Variants in ABCC1 observed in about 807,000 individuals in gnomAD.
The protein encoded by ABCC1 is ATP binding cassette subfamily C member 1 (ABCC1 blood group), also known as multidrug resistance-associated protein 1.
Under a neutral mutation model 172.9 loss-of-function variants are expected in ABCC1, and 83 were observed. That is an observed-to-expected ratio of 0.48 (90% CI 0.40 to 0.58). ABCC1 has a LOEUF of 0.58. Ranked by LOEUF, ABCC1 falls within the 20% of genes least tolerant of loss-of-function variation. The pLI, the probability that ABCC1 is intolerant of heterozygous loss-of-function variation, is 0.00. For missense variants in ABCC1, 1,817 were observed against 2,002.7 expected (o/e 0.91, Z 1.77); for synonymous variants, 937 against 825.2 (o/e 1.14, Z -2.32).
At chr16:16,022,386 C>T (rs763850553) in intron 5 of ABCC1, among the ~76,000 whole-genome samples, 9 of 152,242 alleles carry the variant, frequency 5.9e-5, no homozygotes, top group East Asian at 1.9e-4. Flanking sequence ...GAGCTCCGGC[C>T]GGTCCCCAGT....
intron 22 of ABCC1, 68 bp downstream of exon 22, chr16:16,111,650 T>G: frequency 2.1e-6 from 3 of 1,434,258 alleles, no homozygotes; most frequent in Non-Finnish European, 2.9e-6. Flanking sequence ...ATTATAGAAA[T>G]GGATCCTTAG....
intron 5 of ABCC1, among the ~76,000 whole-genome samples, chr16:16,028,138 G>A (rs567109006): frequency 7.8e-4 from 119 of 152,222 alleles, no homozygotes; most frequent in African/African-American, 2.7e-3. Context: ...TCAGCTGGCC[G>A]TTTCCAGAAA....
chr16:16,043,258 A>G (rs1287208991), intron 7 of ABCC1, among the ~76,000 whole-genome samples: 6 of 101,966 alleles, frequency 5.9e-5, no homozygotes, highest in Non-Finnish European at 9.3e-5. Flanking sequence ...TGATGTATAT[A>G]TGCCTATCCC....
Position 16,048,530 on chromosome 16 carries a change from T to G in ABCC1, c.1380+227T>G, listed in dbSNP as rs571756021. On this transcript the variant is annotated intron_variant, in intron 10 of 30. Transcript: ENST00000399410. ...TTGGTGGCATGGCGTTTTCATTTTC[T>G]CTTTTCCTTGACAGTGTCAGTAATT... 4.6e-5 allele frequency among the ~76,000 whole-genome samples: 7 copies of G among 152,352 alleles called. No homozygotes were observed. The South Asian group carries it at 1.4e-3, about 32-fold the overall frequency.
At chr16:16,014,838 G>A (rs1054561279) in intron 4 of ABCC1, among the ~76,000 whole-genome samples, 1 of 152,040 alleles carries the variant, frequency 6.6e-6, no homozygotes. Context: ...CTTTCCCCAG[G>A]GCCTGATTTG....
At position 16,014,619 on chromosome 16, in the gene ABCC1, C is replaced by A. The variant is rs903178334; in HGVS notation, c.480C>A (p.Ala160=). The A allele has an allele frequency of 3.1e-6, 5 of 1,613,770 alleles. No homozygotes were observed. In the Admixed American group the frequency reaches 8.3e-5, roughly 27 times the overall value. The change falls in exon 4 of 31, where the codon GCC becomes GCA. Residue 160 remains alanine, a synonymous_variant. Transcript: ENST00000399410. The part of the protein sequence containing the change: ...LAILRSKIMT[A]LKEDAQVDLF... Reference sequence around the variant, plus strand: ...TCCTGAGATCCAAAATTATGACAGCCTTAAAAGAGGTAAGTGGCAGTCTCC... The same window carrying A: ...TCCTGAGATCCAAAATTATGACAGCATTAAAAGAGGTAAGTGGCAGTCTCC...
chr16:16,136,734 CACCTGGATTTGAGTCCCAGATG>C, intron 29 of ABCC1, 90 bp downstream of exon 29: 2 of 1,432,532 alleles, frequency 1.4e-6, no homozygotes, highest in Non-Finnish European at 1.9e-6. Flanking sequence ...AGATCTGTGT[CACCTGGATTTGAGTCCCAGATG>C]ACCATTTGTC....
chr16:16,103,920 G>A (rs1000729911), intron 20 of ABCC1, among the ~76,000 whole-genome samples: 1 of 152,188 alleles, frequency 6.6e-6, no homozygotes, highest in Non-Finnish European at 1.5e-5. Flanking sequence ...TCTGGGGTTT[G>A]TTCCTTCTGC....
At chr16:15,967,643 C>A (rs2046274890) in intron 1 of ABCC1, among the ~76,000 whole-genome samples, 1 of 150,252 alleles carries the variant, frequency 6.7e-6, no homozygotes, top group Non-Finnish European at 1.5e-5. Flanking sequence ...TGCCTGTAGT[C>A]CCAGCTACTC....
chr16:16,054,758 T>C (rs888959262), intron 11 of ABCC1, among the ~76,000 whole-genome samples: 1 of 152,182 alleles, frequency 6.6e-6, no homozygotes, highest in Non-Finnish European at 1.5e-5. Context: ...GGGATGACTG[T>C]AGCACTAAAT....
chr16:16,046,966 G>T (rs543199183), intron 9 of ABCC1, among the ~76,000 whole-genome samples: 2 of 128,640 alleles, frequency 1.6e-5, no homozygotes, highest in African/African-American at 7.4e-5. Context: ...AGACCAAGGT[G>T]GGGGAATCAC....
intron 7 of ABCC1, among the ~76,000 whole-genome samples, chr16:16,042,173 G>GT (rs57457665): frequency 0.016 from 2,086 of 133,798 alleles, 19 homozygotes; most frequent in Non-Finnish European, 0.022. Flanking sequence ...GAGTTTGGCA[G>GT]TTTTTTTTTT....
intron 11 of ABCC1, among the ~76,000 whole-genome samples, chr16:16,055,378 C>T (rs1322197577): frequency 2.6e-5 from 4 of 151,796 alleles, no homozygotes; most frequent in East Asian, 1.9e-4. Context: ...GGTGAAGCCC[C>T]GTCTCTACTA....
At chr16:16,012,442 C>T (rs1567312305) in intron 3 of ABCC1, among the ~76,000 whole-genome samples, 1 of 150,730 alleles carries the variant, frequency 6.6e-6, no homozygotes, top group Non-Finnish European at 1.5e-5. Flanking sequence ...GTCCTGAATT[C>T]GGGTCTTGGG....
intron 5 of ABCC1, among the ~76,000 whole-genome samples, chr16:16,029,864 A>G (rs187993351): frequency 1.9e-3 from 286 of 152,288 alleles, no homozygotes; most frequent in Non-Finnish European, 3.5e-3. Context: ...AAAAACATGT[A>G]TATGTGACTG....
At chr16:15,963,859 G>T (rs1233945577) in intron 1 of ABCC1, among the ~76,000 whole-genome samples, 1 of 152,058 alleles carries the variant, frequency 6.6e-6, no homozygotes, top group East Asian at 1.9e-4. Context: ...TGGGCTCCTT[G>T]TTACTTTTGC....
At chr16:16,076,277 T>C in intron 14 of ABCC1, 49 bp from the exon 15 acceptor site, 4 of 1,565,232 alleles carry the variant, frequency 2.6e-6, no homozygotes, top group Non-Finnish European at 3.5e-6. Flanking sequence ...TCTGTGCATG[T>C]GGAGTCGCAC....
intron 13 of ABCC1, among the ~76,000 whole-genome samples, chr16:16,068,621 A>T (rs903037832): frequency 6.6e-6 from 1 of 152,094 alleles, no homozygotes; most frequent in Admixed American, 6.5e-5. Context: ...TTTTTTAAAA[A>T]ACGTAGCTCT....
intron 1 of ABCC1, among the ~76,000 whole-genome samples, chr16:15,952,638 C>G (rs945856965): frequency 7.1e-6 from 1 of 141,770 alleles, no homozygotes; most frequent in Non-Finnish European, 1.5e-5. Context: ...GGGGGTGGGA[C>G]TGGTAGGAGG....
Sources: gnomAD v4.1 joint callset for allele counts (sites outside exome capture counted in the v4.1 genomes callset) on GRCh38, gnomAD v4.1.1 for gene constraint, MANE v1.5 for transcripts, NCBI Gene and HGNC (gene_info 2026-07-23, HGNC 2026-07-21) for gene names.